TCF4: variants seen among roughly 807,000 people sequenced by gnomAD.
TCF4 encodes transcription factor 4, also known as SL3-3 enhancer factor 2.
In TCF4, 3 loss-of-function variants were observed where a neutral mutation model predicts 82.1. The ratio of observed to expected loss-of-function variants is 0.04; its 90% CI spans 0.02 to 0.09. The LOEUF is 0.09. Among genes scored for constraint, TCF4 ranks in the 10% least tolerant of loss-of-function variants. The pLI, the probability that TCF4 is intolerant of heterozygous loss-of-function variation, is 1.00. For synonymous variants in TCF4, 276 were observed against 309.6 expected (o/e 0.89, Z 1.14); for missense variants, 518 against 852.7 (o/e 0.61, Z 4.89).
chr18:55,530,317 G>C (rs2097045732), intron 3 of TCF4, among the ~76,000 whole-genome samples: 1 of 152,180 alleles, frequency 6.6e-6, no homozygotes, highest in Admixed American at 6.5e-5. Context: ...TTTAGAAAGA[G>C]TAGGGGGTTG....
At chr18:55,416,656 A>G (rs2094535777) in intron 5 of TCF4, among the ~76,000 whole-genome samples, 1 of 152,240 alleles carries the variant, frequency 6.6e-6, no homozygotes, top group African/African-American at 2.4e-5. Flanking sequence ...GTAGGTCACA[A>G]TAAATAATAT....
intron 3 of TCF4, among the ~76,000 whole-genome samples, chr18:55,508,822 C>T (rs1408663482): frequency 1.3e-5 from 2 of 152,182 alleles, no homozygotes; most frequent in Non-Finnish European, 2.9e-5. Flanking sequence ...GCAATACACG[C>T]TAAATGCTAC....
intron 15 of TCF4, among the ~76,000 whole-genome samples, chr18:55,236,959 C>T (rs1175253036): frequency 6.6e-6 from 1 of 152,202 alleles, no homozygotes; most frequent in Non-Finnish European, 1.5e-5. Flanking sequence ...TCTTTGCAAG[C>T]ATCTGTGACA....
chr18:55,523,048 T>A (rs1336239313), intron 3 of TCF4, among the ~76,000 whole-genome samples: 1 of 152,082 alleles, frequency 6.6e-6, no homozygotes, highest in Non-Finnish European at 1.5e-5. Context: ...AAAACAGTTA[T>A]GAAAATTTTA....
chr18:55,522,148 G>T (rs1266681832), intron 3 of TCF4, among the ~76,000 whole-genome samples: 2 of 152,154 alleles, frequency 1.3e-5, no homozygotes, highest in African/African-American at 2.4e-5. Flanking sequence ...ATGATAACAA[G>T]AACAGGAAAG....
chr18:55,331,227 G>C (rs2077517333), intron 8 of TCF4, among the ~76,000 whole-genome samples: 1 of 152,126 alleles, frequency 6.6e-6, no homozygotes, highest in Non-Finnish European at 1.5e-5. Context: ...AAGCTCAGTG[G>C]AGTATCTGTG....
chr18:55,257,259 C>T, intron 14 of TCF4, 56 bp downstream of exon 14: 1 of 1,558,924 alleles, frequency 6.4e-7, no homozygotes, highest in Non-Finnish European at 8.8e-7. Context: ...GGAGACTGAA[C>T]AAGAAAGAAC....
chr18:55,553,896 G>A (rs73482987), intron 3 of TCF4, among the ~76,000 whole-genome samples: 223 of 152,204 alleles, frequency 1.5e-3, no homozygotes, highest in African/African-American at 5.3e-3. Flanking sequence ...AGAAAGGTAT[G>A]TAAAAGATGA....
At chr18:55,508,341 A>C (rs748388471) in intron 3 of TCF4, among the ~76,000 whole-genome samples, 18 of 152,182 alleles carry the variant, frequency 1.2e-4, no homozygotes, top group Non-Finnish European at 2.4e-4. Context: ...CGTTATAGCA[A>C]TTCTACCACC....
At chr18:55,472,654 C>G (rs532749941) in intron 3 of TCF4, among the ~76,000 whole-genome samples, 3 of 152,180 alleles carry the variant, frequency 2.0e-5, no homozygotes, top group East Asian at 3.9e-4. Context: ...AAAAATCAGT[C>G]TTAACTAAGA....
chr18:55,325,314 A>G (rs1297600045), intron 8 of TCF4, among the ~76,000 whole-genome samples: 2 of 152,232 alleles, frequency 1.3e-5, no homozygotes, highest in African/African-American at 4.8e-5. Context: ...ATGACTAAAG[A>G]ATAATGCTTT....
At chr18:55,509,330 GACAGACACACACACACAC>G (rs1420585562) in intron 3 of TCF4, among the ~76,000 whole-genome samples, 2 of 136,384 alleles carry the variant, frequency 1.5e-5, no homozygotes, top group East Asian at 5.6e-4. Context: ...CACTCACACA[GACAGACACACACACACAC>G]ACACACAAAC....
intron 5 of TCF4, among the ~76,000 whole-genome samples, chr18:55,436,147 T>C (rs1457874030): frequency 6.6e-6 from 1 of 152,244 alleles, no homozygotes; most frequent in East Asian, 1.9e-4. Flanking sequence ...CAATATGTTT[T>C]GAGTCTTTCC....
At chr18:55,430,208 A>ATC (rs1000883660) in intron 5 of TCF4, among the ~76,000 whole-genome samples, 15 of 152,100 alleles carry the variant, frequency 9.9e-5, no homozygotes, top group African/African-American at 3.6e-4. Flanking sequence ...TCACAAACAG[A>ATC]TCCCGTTGCA....
chr18:55,223,912 A>G lies in TCF4; in HGVS notation c.*4123T>C, dbSNP rs1389569645. 6.6e-6 allele frequency: 1 copy of G among 152,340 alleles called. No individual in the cohort carries two copies. The highest frequency in any genetic ancestry group is 2.4e-5 in the African/African-American group (1 of 41,446). 9.4% of individuals were successfully genotyped at this position (152,340 alleles called of 1,614,324 possible). On this transcript the variant is annotated 3_prime_UTR_variant, in exon 20 of 20. Coordinates refer to ENST00000354452, the MANE Select transcript of TCF4 (RefSeq NM_001083962.2). ...ATCTTTTAAATAGTAAAATAAAGTAACAAACTTTTACTCATAATGATTCCA... is the reference window on the plus strand; with the variant it reads ...ATCTTTTAAATAGTAAAATAAAGTAGCAAACTTTTACTCATAATGATTCCA...
upstream of TCF4, chr18:55,588,403 GA>G (rs536947841): frequency 0.084 from 65,649 of 778,802 alleles, 4 homozygotes; most frequent in South Asian, 0.17. Flanking sequence ...ACCCCGAGGG[GA>G]AAAAAAAAAA....
At chr18:55,494,789 T>C (rs922334947) in intron 3 of TCF4, among the ~76,000 whole-genome samples, 1 of 152,076 alleles carries the variant, frequency 6.6e-6, no homozygotes, top group African/African-American at 2.4e-5. Context: ...ATCATGAACA[T>C]TGTACCCTTG....
intron 3 of TCF4, among the ~76,000 whole-genome samples, chr18:55,474,090 T>C (rs1885859521): frequency 6.6e-6 from 1 of 152,168 alleles, no homozygotes; most frequent in African/African-American, 2.4e-5. Flanking sequence ...TCTGTAAAAA[T>C]GCATAAACTG....
intron 3 of TCF4, among the ~76,000 whole-genome samples, chr18:55,548,311 T>C (rs999154544): frequency 6.6e-6 from 1 of 152,208 alleles, no homozygotes; most frequent in Non-Finnish European, 1.5e-5. Context: ...GCAACTTAAA[T>C]GATTTGCAAA....
Sources: gnomAD v4.1 joint callset for allele counts (sites outside exome capture counted in the v4.1 genomes callset) on GRCh38, gnomAD v4.1.1 for gene constraint, MANE v1.5 for transcripts, NCBI Gene and HGNC (gene_info 2026-07-23, HGNC 2026-07-21) for gene names.